The following ABCC11 variants were observed in gnomAD, a reference collection of about 807,000 sequenced individuals.
The protein encoded by ABCC11 is ATP-binding cassette sub-family C member 11.
Under a neutral mutation model 149.3 loss-of-function variants are expected in ABCC11, and 135 were observed. The ratio of observed to expected loss-of-function variants is 0.90; its 90% CI spans 0.79 to 1.04. ABCC11 has a LOEUF of 1.04. Ranked by LOEUF, ABCC11 falls within the 50% of genes least tolerant of loss-of-function variation. ABCC11 has a pLI of 0.00. For missense variants in ABCC11, 1,680 were observed against 1,722.1 expected (o/e 0.98, Z 0.43); for synonymous variants, 665 against 671.4 (o/e 0.99, Z 0.15).
chr16:48,197,599 T>C (rs1244661416), intron 17 of ABCC11, among the ~76,000 whole-genome samples: 1 of 152,226 alleles, frequency 6.6e-6, no homozygotes, highest in East Asian at 1.9e-4. Flanking sequence ...ACCCAATTCA[T>C]TTCTGATCCC....
chr16:48,217,036 C>T (rs576364993), intron 6 of ABCC11, among the ~76,000 whole-genome samples: 2 of 152,248 alleles, frequency 1.3e-5, no homozygotes, highest in South Asian at 4.1e-4. Context: ...GGAGACAGAT[C>T]TGGGCTGGAC....
intron 19 of ABCC11, 54 bp downstream of exon 19, chr16:48,193,824 AC>A: frequency 6.9e-7 from 1 of 1,442,286 alleles, no homozygotes. Flanking sequence ...GCAAGAAGTC[AC>A]CCCACCTCAC....
chr16:48,222,948 A>G (rs1262584457), intron 5 of ABCC11, 117 bp from the exon 6 acceptor site: 6 of 868,352 alleles, frequency 6.9e-6, no homozygotes, highest in Non-Finnish European at 7.1e-6. Flanking sequence ...TTGAAGGATC[A>G]AAACTGACTC....
intron 7 of ABCC11, 43 bp from the exon 8 acceptor site, chr16:48,215,387 C>A: frequency 6.3e-7 from 1 of 1,597,096 alleles, no homozygotes; most frequent in Non-Finnish European, 8.6e-7. Context: ...TCTGCAAGGG[C>A]TTCCTTTGAC....
At chr16:48,218,778 C>T (rs137971731) in intron 6 of ABCC11, among the ~76,000 whole-genome samples, 5,274 of 152,266 alleles carry the variant, frequency 0.035, 124 homozygotes, top group Middle Eastern at 0.082. Context: ...TTTCACCTTC[C>T]GCCATGATTG....
intron 11 of ABCC11, 133 bp from the exon 12 acceptor site, chr16:48,208,629 C>A: frequency 1.1e-6 from 1 of 920,498 alleles, no homozygotes; most frequent in Non-Finnish European, 1.6e-6. Context: ...GCCCAAGACT[C>A]CTCAGACAGG....
chr16:48,227,858 T>A lies in ABCC11; in HGVS notation c.343A>T (p.Asn115Tyr), dbSNP rs1198612837. 6.2e-7 allele frequency: 1 copy of A among 1,614,060 alleles called. No homozygotes were observed. The highest frequency in any genetic ancestry group is 2.2e-5 in the East Asian group (1 of 44,872). Residue 115 changes from asparagine (N) to tyrosine (Y), a missense_variant, in exon 4 of 30, where the codon AAC (asparagine) becomes TAC (tyrosine). By Grantham distance (143) the Asn-to-Tyr change is moderately radical. Coordinates refer to ENST00000356608, the MANE Select transcript of ABCC11 (RefSeq NM_001370497.1). ...TGGACTGACAGTGGAGGGATGGTGT[T>A]CTCATCTAAGCGACTCCGTAAGCTT... ...IQSLRSRLDENTIPPLSVHDA... is the reference protein window; with the variant it reads ...IQSLRSRLDEYTIPPLSVHDA...
chr16:48,187,475 G>A, intron 20 of ABCC11, 48 bp from the exon 21 acceptor site: 1 of 1,488,584 alleles, frequency 6.7e-7, no homozygotes, highest in Non-Finnish European at 9.2e-7. Context: ...TGCAGGCCCT[G>A]CTCAAGATTG....
intron 1 of ABCC11, among the ~76,000 whole-genome samples, chr16:48,240,747 T>C (rs1191531820): frequency 6.6e-6 from 1 of 151,836 alleles, no homozygotes; most frequent in East Asian, 1.9e-4. Context: ...TAATAAAAGT[T>C]GAAGGAAAAA....
rs1285773693 is a variant in ABCC11, at chr16:48,187,383, G to T, written c.2751C>A (p.Gly917=). ...PMSFFDTIPI[G]RLLNCFAGDL... ...CCCCTGCGAAGCAGTTCAAAAGCCG[G>T]CCTATTGGGATGGTGTCAAAGAAAC... is the stretch of plus-strand genomic sequence containing the variant. The change falls in exon 21 of 30, where the codon GGC becomes GGA. Residue 917 remains glycine (G), a synonymous_variant. Coordinates refer to ENST00000356608, the MANE Select transcript of ABCC11 (RefSeq NM_001370497.1). 3 of 1,614,084 alleles carry T rather than the reference G, an allele frequency of 1.9e-6. No individual in the cohort carries two copies. In the South Asian group the frequency reaches 3.3e-5, roughly 18 times the overall value.
chr16:48,190,464 G>A (rs1345817244), intron 20 of ABCC11, among the ~76,000 whole-genome samples: 2 of 151,880 alleles, frequency 1.3e-5, no homozygotes, highest in South Asian at 2.1e-4. Flanking sequence ...TGGCTCAAGC[G>A]ATCCTCCTTG....
At chr16:48,198,557 G>A (rs1174611575) in intron 15 of ABCC11, among the ~76,000 whole-genome samples, 2 of 151,622 alleles carry the variant, frequency 1.3e-5, no homozygotes, top group Non-Finnish European at 2.9e-5. Context: ...ATGAACCAAC[G>A]ATTCGACTCC....
intron 13 of ABCC11, 114 bp downstream of exon 13, chr16:48,205,299 C>T (rs767124014): frequency 1.4e-5 from 20 of 1,421,246 alleles, no homozygotes; most frequent in Admixed American, 6.0e-5. Flanking sequence ...TATGATAATG[C>T]GTTTAAGTGG....
intron 1 of ABCC11, chr16:48,244,098 A>G (rs1971177962): frequency 3.0e-6 from 1 of 331,248 alleles, no homozygotes; most frequent in Admixed American, 4.9e-5. Context: ...CACTTCAAGT[A>G]TATACAATTC....
At chr16:48,197,343 A>G (rs1343811082) in intron 17 of ABCC11, among the ~76,000 whole-genome samples, 1 of 152,046 alleles carries the variant, frequency 6.6e-6, no homozygotes, top group Non-Finnish European at 1.5e-5. Context: ...ACTCAGTTGG[A>G]GACAGGAGCC....
chr16:48,227,693 G>A (rs915696817), intron 4 of ABCC11, 113 bp downstream of exon 4: 19 of 1,416,668 alleles, frequency 1.3e-5, no homozygotes, highest in East Asian at 2.3e-5. Flanking sequence ...CCTACAGGAA[G>A]AGCCAAGTCG....
chr16:48,210,763 A>T, intron 11 of ABCC11, 185 bp downstream of exon 11: 1 of 867,436 alleles, frequency 1.2e-6, no homozygotes, highest in Non-Finnish European at 1.7e-6. Flanking sequence ...ATGATAGATT[A>T]ATTCACATTA....
chr16:48,215,163 C>T, intron 8 of ABCC11, 34 bp downstream of exon 8: 1 of 1,598,802 alleles, frequency 6.3e-7, no homozygotes, highest in South Asian at 1.1e-5. Context: ...CATGCCATCA[C>T]CAGGTTTGGA....
At chr16:48,202,376 C>T (rs1372424562) in intron 14 of ABCC11, among the ~76,000 whole-genome samples, 1 of 152,072 alleles carries the variant, frequency 6.6e-6, no homozygotes, top group Admixed American at 6.6e-5. Context: ...TTTGGAAGGC[C>T]GAGCTGGGTG....
Sources: gnomAD v4.1 joint callset for allele counts (sites outside exome capture counted in the v4.1 genomes callset) on GRCh38, gnomAD v4.1.1 for gene constraint, MANE v1.5 for transcripts, NCBI Gene and HGNC (gene_info 2026-07-23, HGNC 2026-07-21) for gene names.